BLOC1S6: variants seen among roughly 807,000 people sequenced by gnomAD.
The protein encoded by BLOC1S6 is biogenesis of lysosomal organelles complex 1 subunit 6.
BLOC1S6 carries 24 observed loss-of-function variants against 24.7 expected under a neutral mutation model. The ratio of observed to expected loss-of-function variants is 0.97; its 90% CI spans 0.70 to 1.37. The LOEUF is 1.37. BLOC1S6 is among the 40% of genes most tolerant of loss of function. The probability of loss-of-function intolerance (pLI) is 0.00; values close to 1 mark genes in which losing one functional copy is unlikely to be tolerated. For synonymous variants in BLOC1S6, 76 were observed against 72.6 expected, an observed-to-expected ratio of 1.05 and a Z score of -0.23; for missense variants, 175 against 196.2, an observed-to-expected ratio of 0.89 and a Z score of 0.64.
At chr15:45,587,363 A>T, upstream of BLOC1S6, 1 of 1,362,344 alleles carries the variant, frequency 7.3e-7, no homozygotes. Context: ...CTGTCCGGCC[A>T]GCCGCTGGAG....
chr15:45,605,330 T>C, intron 3 of BLOC1S6, 98 bp from the exon 4 acceptor site: 2 of 970,264 alleles, frequency 2.1e-6, no homozygotes, highest in Non-Finnish European at 3.1e-6. Context: ...TTGACCAATT[T>C]AGGAAGCACA....
At chr15:45,587,164 C>T, upstream of BLOC1S6, 1 of 522,836 alleles carries the variant, frequency 1.9e-6, no homozygotes, top group Non-Finnish European at 3.5e-6. Flanking sequence ...CGTCCTCCCC[C>T]AGCTCCCACC....
chr15:45,592,626 C>T (rs1406353606), intron 2 of BLOC1S6, among the ~76,000 whole-genome samples: 10 of 152,142 alleles, frequency 6.6e-5, no homozygotes, highest in Non-Finnish European at 1.5e-5. Flanking sequence ...AAAATTGCCT[C>T]CATAAAAGTC....
chr15:45,588,348 C>T (rs1280995079), intron 1 of BLOC1S6, among the ~76,000 whole-genome samples: 1 of 152,194 alleles, frequency 6.6e-6, no homozygotes, highest in Non-Finnish European at 1.5e-5. Context: ...TTGTTTACTT[C>T]TCCATCTGCT....
chr15:45,587,536 T>C lies in BLOC1S6; in HGVS notation c.82+11T>C, dbSNP rs374757059. The C allele has an allele frequency of 1.9e-6, 3 of 1,565,864 alleles. No homozygotes were observed. Among genetic ancestry groups the C allele is most frequent in the Middle Eastern group, 1.8e-4 (1 of 5,642 alleles). Reference sequence around the variant, plus strand: ...GGGAGCCGACGCCTGGTACGTACTATCGGGTGGGAAGCGCGGCCCGGGCTG... The same window carrying C: ...GGGAGCCGACGCCTGGTACGTACTACCGGGTGGGAAGCGCGGCCCGGGCTG... On this transcript the variant is annotated intron_variant, in intron 1 of 4. Coordinates refer to ENST00000220531, the MANE Select transcript of BLOC1S6 (RefSeq NM_012388.4).
chr15:45,593,695 C>T (rs951219579), intron 2 of BLOC1S6, among the ~76,000 whole-genome samples: 2 of 152,084 alleles, frequency 1.3e-5, no homozygotes, highest in Non-Finnish European at 2.9e-5. Context: ...TTTAGTGTTT[C>T]GAATAGCCCC....
intron 2 of BLOC1S6, among the ~76,000 whole-genome samples, chr15:45,601,728 T>G (rs533049934): frequency 8.5e-5 from 13 of 152,286 alleles, no homozygotes; most frequent in African/African-American, 3.1e-4. Flanking sequence ...TTTTTTGTTT[T>G]CCCCCTTCTA....
At chr15:45,603,942 C>T (rs147396881) in intron 3 of BLOC1S6, among the ~76,000 whole-genome samples, 1 of 152,200 alleles carries the variant, frequency 6.6e-6, no homozygotes, top group Non-Finnish European at 1.5e-5. Context: ...AATAGTTGAA[C>T]AGTTGAATTT....
intron 2 of BLOC1S6, among the ~76,000 whole-genome samples, chr15:45,594,594 C>CT (rs989280021): frequency 2.6e-5 from 4 of 152,042 alleles, no homozygotes; most frequent in Non-Finnish European, 4.4e-5. Flanking sequence ...AACTTTCTCC[C>CT]TTTTTTTGAG....
chr15:45,591,728 TATA>T (rs1323560573), intron 1 of BLOC1S6, among the ~76,000 whole-genome samples: 2 of 152,230 alleles, frequency 1.3e-5, no homozygotes, highest in Non-Finnish European at 2.9e-5. Context: ...CCCTGAAAAA[TATA>T]TAAAGATACA....
chr15:45,603,174 A>G lies in BLOC1S6; in HGVS notation c.299A>G (p.Asp100Gly), dbSNP rs1184234480. 6.3e-6 allele frequency: 10 copies of G among 1,593,224 alleles called. No homozygotes were observed. Among genetic ancestry groups the G allele is most frequent in the Non-Finnish European group, 7.7e-6 (9 of 1,161,870 alleles). Residue 100 changes from aspartate to glycine, a missense_variant, in exon 3 of 5, where the codon GAT becomes GGT. Transcript: ENST00000220531. ...TTTAAAGAATGTCATTCTATGTTGG[A>G]TATTAATGCTTTGGTAAGTATGATT... ...SKFKECHSML[D>G]INALFAEAKH... is the part of the protein sequence containing the mutation.
chr15:45,609,473 A>G lies in BLOC1S6; in HGVS notation c.*2959A>G, dbSNP rs1286440966. The G allele has an allele frequency of 6.6e-6, 1 of 152,214 alleles. No individual in the cohort carries two copies. The highest frequency in any genetic ancestry group is 1.5e-5 in the Non-Finnish European group (1 of 68,044). The allele number at this position is 152,214 out of a possible 1,614,324, so 9.4% of individuals were successfully genotyped here. On this transcript the variant is annotated 3_prime_UTR_variant, in exon 5 of 5. Coordinates refer to ENST00000220531, the MANE Select transcript of BLOC1S6 (RefSeq NM_012388.4). ...GTTGAAAAAAATTGCCTTTGTTTTG[A>G]AATTATATCACCTGTGTTCTGAACT...
chr15:45,589,749 G>A (rs938876795), intron 1 of BLOC1S6, among the ~76,000 whole-genome samples: 7 of 151,944 alleles, frequency 4.6e-5, no homozygotes, highest in African/African-American at 7.3e-5. Flanking sequence ...CTTTACTCTC[G>A]CACAATAAAG....
chr15:45,600,519 C>A (rs1595557781), intron 2 of BLOC1S6, among the ~76,000 whole-genome samples: 1 of 152,254 alleles, frequency 6.6e-6, no homozygotes, highest in South Asian at 2.1e-4. Context: ...TGAATAGATG[C>A]TGGATTTTGT....
At chr15:45,595,849 C>T (rs1280377267) in intron 2 of BLOC1S6, among the ~76,000 whole-genome samples, 2 of 152,056 alleles carry the variant, frequency 1.3e-5, no homozygotes, top group African/African-American at 4.8e-5. Flanking sequence ...CTCCTGTTGC[C>T]CAGGCTGTAG....
intron 2 of BLOC1S6, among the ~76,000 whole-genome samples, chr15:45,594,302 T>C (rs893557885): frequency 1.3e-5 from 2 of 152,176 alleles, no homozygotes; most frequent in African/African-American, 4.8e-5. Flanking sequence ...TTCATTTATA[T>C]GTATTTATCA....
At chr15:45,603,076 C>T (rs931206860) in intron 2 of BLOC1S6, 24 bp from the exon 3 acceptor site, 1 of 1,513,328 alleles carries the variant, frequency 6.6e-7, no homozygotes, top group Non-Finnish European at 9.2e-7. Context: ...TAGAGTTTGT[C>T]TTGGCTGTGT....
At chr15:45,606,007 C>T (rs573425908) in intron 4 of BLOC1S6, among the ~76,000 whole-genome samples, 9 of 152,294 alleles carry the variant, frequency 5.9e-5, no homozygotes, top group Admixed American at 1.3e-4. Context: ...GGTCTCACTA[C>T]GTTTCCGAGG....
chr15:45,606,685 A>T lies in BLOC1S6; in HGVS notation c.*171A>T, dbSNP rs60561729. 0.027 allele frequency: 21,276 copies of T among 792,992 alleles called. 3,347 individuals are homozygous for T. The African/African-American group carries it at 0.34, about 13-fold the overall frequency. The allele number at this position is 792,992 out of a possible 1,614,324, so 49.1% of individuals were successfully genotyped here. A position where few individuals can be genotyped will look rare whatever the true frequency, so the allele number is the denominator to read the frequency against. ...TTCCAAGTAGCAGACGTCATGTTGCATGGTTTTTGATATTTATATGTAAGT... is the reference window on the plus strand; with the variant it reads ...TTCCAAGTAGCAGACGTCATGTTGCTTGGTTTTTGATATTTATATGTAAGT... On this transcript the variant is annotated 3_prime_UTR_variant, in exon 5 of 5. Transcript: ENST00000220531.
Sources: gnomAD v4.1 joint callset for allele counts (sites outside exome capture counted in the v4.1 genomes callset) on GRCh38, gnomAD v4.1.1 for gene constraint, MANE v1.5 for transcripts, NCBI Gene and HGNC (gene_info 2026-07-23, HGNC 2026-07-21) for gene names.